NCAM2: variants seen among roughly 807,000 people sequenced by gnomAD.
NCAM2 encodes the protein N-CAM-2.
NCAM2 carries 30 observed loss-of-function variants against 98.1 expected under a neutral mutation model. The ratio of observed to expected loss-of-function variants is 0.31; its 90% CI spans 0.23 to 0.41. The LOEUF (loss-of-function observed/expected upper bound fraction) is 0.41, where lower values mean the gene tolerates loss of function less well. Ranked by LOEUF, NCAM2 falls within the 10% of genes least tolerant of loss-of-function variation. NCAM2 has a pLI of 1.00. For missense variants in NCAM2, 867 were observed against 1,005.8 expected (o/e 0.86, Z 1.87); for synonymous variants, 368 against 342.4 (o/e 1.07, Z -0.83).
chr21:21,477,552 T>G, intron 15 of NCAM2, 81 bp downstream of exon 15: 1 of 1,121,294 alleles, frequency 8.9e-7, no homozygotes. Flanking sequence ...CTTTTCTTAT[T>G]AATAATTAAA....
intron 12 of NCAM2, among the ~76,000 whole-genome samples, chr21:21,448,362 G>A (rs1157396074): frequency 6.6e-6 from 1 of 151,976 alleles, no homozygotes; most frequent in Non-Finnish European, 1.5e-5. Flanking sequence ...TGGACACAGG[G>A]AGGGGAAAGA....
intron 12 of NCAM2, among the ~76,000 whole-genome samples, chr21:21,447,860 G>T (rs909068488): frequency 6.6e-6 from 1 of 152,026 alleles, no homozygotes; most frequent in Admixed American, 6.6e-5. Flanking sequence ...TCTCACACTC[G>T]CCAGAATGTT....
At chr21:21,172,225 C>T (rs527636246) in intron 1 of NCAM2, among the ~76,000 whole-genome samples, 1 of 151,940 alleles carries the variant, frequency 6.6e-6, no homozygotes, top group Non-Finnish European at 1.5e-5. Flanking sequence ...CAGATTTTCA[C>T]ATACTGGAAC....
chr21:21,023,048 A>T (rs1725899736), intron 1 of NCAM2, among the ~76,000 whole-genome samples: 1 of 152,220 alleles, frequency 6.6e-6, no homozygotes, highest in Non-Finnish European at 1.5e-5. Context: ...CATATATACA[A>T]CAGTAAGCTT....
intron 1 of NCAM2, among the ~76,000 whole-genome samples, chr21:21,272,934 T>TCACACACACACACACACACA (rs61235726): frequency 0.08 from 9,989 of 124,580 alleles, 575 homozygotes; most frequent in Middle Eastern, 0.1. Context: ...GGACATGCAT[T>TCACACACACACACACACACA]CACACACACA....
intron 8 of NCAM2, among the ~76,000 whole-genome samples, chr21:21,352,278 TTGG>T (rs986009154): frequency 6.8e-4 from 103 of 151,658 alleles, no homozygotes; most frequent in African/African-American, 2.4e-3. Flanking sequence ...GCTGTTGTTG[TTGG>T]TGGTGGTGGT....
chr21:21,362,493 A>G (rs544960943), intron 8 of NCAM2, among the ~76,000 whole-genome samples: 1 of 152,076 alleles, frequency 6.6e-6, no homozygotes, highest in Non-Finnish European at 1.5e-5. Flanking sequence ...TCCTGGGTCA[A>G]CCAATCCTCC....
At chr21:21,167,143 C>G (rs1465059862) in intron 1 of NCAM2, among the ~76,000 whole-genome samples, 2 of 151,888 alleles carry the variant, frequency 1.3e-5, no homozygotes, top group Non-Finnish European at 1.5e-5. Context: ...CTGGGAATTA[C>G]TACTGGGTGA....
At chr21:21,186,164 G>T (rs968762611) in intron 1 of NCAM2, among the ~76,000 whole-genome samples, 1 of 152,152 alleles carries the variant, frequency 6.6e-6, no homozygotes, top group Non-Finnish European at 1.5e-5. Flanking sequence ...ATTATAAAGA[G>T]AAGTGAATTA....
At chr21:21,251,420 C>T (rs942667785) in intron 1 of NCAM2, among the ~76,000 whole-genome samples, 1 of 151,638 alleles carries the variant, frequency 6.6e-6, no homozygotes, top group Non-Finnish European at 1.5e-5. Flanking sequence ...ATTTTCTGTT[C>T]CTGTGTTAGC....
intron 1 of NCAM2, among the ~76,000 whole-genome samples, chr21:21,205,052 G>A (rs983788918): frequency 3.9e-5 from 6 of 152,088 alleles, no homozygotes; most frequent in African/African-American, 1.4e-4. Flanking sequence ...ATATGCAAGT[G>A]AACATTCACG....
intron 1 of NCAM2, among the ~76,000 whole-genome samples, chr21:21,163,347 T>G (rs2067848853): frequency 6.6e-6 from 1 of 152,126 alleles, no homozygotes; most frequent in African/African-American, 2.4e-5. Context: ...TGTAGGAAGG[T>G]AGAAGAGAGA....
At chr21:21,531,487 G>A (rs1408972628) in intron 16 of NCAM2, among the ~76,000 whole-genome samples, 1 of 151,512 alleles carries the variant, frequency 6.6e-6, no homozygotes, top group Non-Finnish European at 1.5e-5. Context: ...AATTCCGAAG[G>A]ATGGGGAGTT....
At chr21:21,346,656 T>C (rs958856491) in intron 8 of NCAM2, among the ~76,000 whole-genome samples, 2 of 151,918 alleles carry the variant, frequency 1.3e-5, no homozygotes, top group East Asian at 3.9e-4. Flanking sequence ...TTAAAATATT[T>C]AAAAAATTAA....
At chr21:21,344,711 C>T (rs754305340) in intron 8 of NCAM2, among the ~76,000 whole-genome samples, 1 of 152,154 alleles carries the variant, frequency 6.6e-6, no homozygotes, top group African/African-American at 2.4e-5. Context: ...CCTTGCTTCC[C>T]TGAAGGGAAG....
intron 1 of NCAM2, among the ~76,000 whole-genome samples, chr21:21,129,322 T>C (rs1229881834): frequency 6.6e-6 from 1 of 152,202 alleles, no homozygotes; most frequent in African/African-American, 2.4e-5. Context: ...CATTGTATTA[T>C]GATTACCACA....
chr21:21,503,335 T>C (rs1382734607), intron 15 of NCAM2, among the ~76,000 whole-genome samples: 5 of 151,888 alleles, frequency 3.3e-5, no homozygotes. Flanking sequence ...GGGCCATTAT[T>C]AAGTAAAATA....
chr21:21,505,712 T>C (rs78810710), intron 15 of NCAM2, among the ~76,000 whole-genome samples: 1 of 152,164 alleles, frequency 6.6e-6, no homozygotes, highest in East Asian at 1.9e-4. Flanking sequence ...TGTTTAACAT[T>C]AGATAATTTT....
At chr21:21,184,398 A>C (rs1211797647) in intron 1 of NCAM2, among the ~76,000 whole-genome samples, 2 of 152,046 alleles carry the variant, frequency 1.3e-5, no homozygotes, top group Non-Finnish European at 2.9e-5. Context: ...TGTGGAGTAC[A>C]TTTTGGTACT....
Sources: gnomAD v4.1 joint callset for allele counts (sites outside exome capture counted in the v4.1 genomes callset) on GRCh38, gnomAD v4.1.1 for gene constraint, MANE v1.5 for transcripts, NCBI Gene and HGNC (gene_info 2026-07-23, HGNC 2026-07-21) for gene names.